FIGNL2: variants seen among roughly 807,000 people sequenced by gnomAD.
FIGNL2 encodes the protein fidgetin like 2.
For missense variants in FIGNL2, 1,060 were observed against 950.2 expected (o/e 1.12, Z -1.52); for synonymous variants, 565 against 484.0 (o/e 1.17, Z -2.20).
At chr12:51,830,464 AAG>A (rs1394165381) in intron 1 of FIGNL2, among the ~76,000 whole-genome samples, 12 of 151,790 alleles carry the variant, frequency 7.9e-5, no homozygotes, top group Admixed American at 6.6e-5. Flanking sequence ...TATTTAAAAA[AAG>A]AAATTTTAAA....
chr12:51,846,002 C>G (rs1226269164), intron 1 of FIGNL2, among the ~76,000 whole-genome samples: 1 of 152,132 alleles, frequency 6.6e-6, no homozygotes, highest in Non-Finnish European at 1.5e-5. Context: ...GAGCCCCACC[C>G]AGGGGTCTCC....
At chr12:51,829,655 T>C (rs370846385) in intron 1 of FIGNL2, among the ~76,000 whole-genome samples, 258 of 152,164 alleles carry the variant, frequency 1.7e-3, no homozygotes, top group Non-Finnish European at 3.0e-3. Context: ...GTGTGCCAGC[T>C]ATGACTCCCG....
chr12:51,826,955 T>C (rs1565944125), intron 1 of FIGNL2, among the ~76,000 whole-genome samples: 1 of 152,256 alleles, frequency 6.6e-6, no homozygotes, highest in Non-Finnish European at 1.5e-5. Context: ...CATATGTTCA[T>C]GCCTGTGCCT....
chr12:51,829,336 C>G (rs558883337), intron 1 of FIGNL2, among the ~76,000 whole-genome samples: 1 of 152,302 alleles, frequency 6.6e-6, no homozygotes, highest in South Asian at 2.1e-4. Context: ...CAGGACTGTG[C>G]CCCCTCCTCT....
Position 51,821,723 on chromosome 12 carries a change from G to C in FIGNL2, c.691C>G (p.Leu231Val). 7.6e-7 allele frequency: 1 copy of C among 1,321,522 alleles called. No individual in the cohort carries two copies. Among genetic ancestry groups the C allele is most frequent in the Non-Finnish European group, 9.6e-7 (1 of 1,043,254 alleles). 81.9% of individuals were successfully genotyped at this position (1,321,522 alleles called of 1,614,324 possible). The change falls in exon 2 of 2, where the codon CTG (leucine) becomes GTG (valine). Residue 231 changes from leucine to valine, a missense_variant. Transcript: ENST00000618634. ...GTGGGCGCGGGCAGGCCCGGGGTCA[G>C]GTAGGGGGCCGGGGGTGGGCCTGGG... The part of the protein sequence containing the change: ...PPPGPPPAPY[L>V]TPGLPAPTPL...
intron 1 of FIGNL2, among the ~76,000 whole-genome samples, chr12:51,839,166 C>T (rs539268001): frequency 6.7e-6 from 1 of 149,758 alleles, no homozygotes; most frequent in South Asian, 2.1e-4. Flanking sequence ...GTAACTTGGT[C>T]TTGAGCCACA....
At position 51,818,957 on chromosome 12, in the gene FIGNL2, A is replaced by T. The variant is rs1939106652; in HGVS notation, c.*1495T>A. ...CTCCCTCACCCTCTCCCAGCCCTGG[A>T]GCTCCAGACCTAGGACTCCGGGGGA... On this transcript the variant is annotated 3_prime_UTR_variant, in exon 2 of 2. Transcript: ENST00000618634. 6.6e-6 allele frequency: 1 copy of T among 152,294 alleles called. No homozygotes were observed. 9.4% of individuals were successfully genotyped at this position (152,294 alleles called of 1,614,324 possible).
intron 1 of FIGNL2, chr12:51,847,911 T>C: frequency 2.4e-6 from 2 of 848,642 alleles, no homozygotes; most frequent in Non-Finnish European, 2.8e-6. Context: ...GAGTACAGCC[T>C]CCTACAACCC....
intron 1 of FIGNL2, among the ~76,000 whole-genome samples, chr12:51,843,742 CCT>C (rs893745790): frequency 2.1e-4 from 32 of 152,104 alleles, no homozygotes; most frequent in Admixed American, 1.6e-3. Flanking sequence ...CTGCCCACCC[CCT>C]GTCTGCCCTG....
chr12:51,830,380 A>G (rs1939428649), intron 1 of FIGNL2, among the ~76,000 whole-genome samples: 1 of 152,154 alleles, frequency 6.6e-6, no homozygotes, highest in Non-Finnish European at 1.5e-5. Context: ...TATGTTAATT[A>G]GCTCAATTTA....
In FIGNL2 at chr12:51,822,145, T is replaced by A. The variant is rs772153452; in HGVS notation, c.269A>T (p.Asn90Ile). 3 of 1,611,292 alleles carry A rather than the reference T, an allele frequency of 1.9e-6. No homozygotes were observed. In the Admixed American group the frequency reaches 5.0e-5, roughly 27 times the overall value. ...LGGYSDASFL[N>I]GAKGDPEPWP... is the part of the protein sequence containing the mutation. ...GGGCTCGGGATCCCCTTTGGCGCCG[T>A]TGAGGAAGGAGGCGTCGCTGTACCC... Residue 90 changes from asparagine to isoleucine, a missense_variant, in exon 2 of 2, where the codon AAC becomes ATC. By Grantham distance (149) the Asn-to-Ile change is moderately radical (BLOSUM62 -3). Transcript: ENST00000618634.
intron 1 of FIGNL2, among the ~76,000 whole-genome samples, chr12:51,826,492 A>G (rs1939345807): frequency 6.7e-6 from 1 of 149,814 alleles, no homozygotes; most frequent in South Asian, 2.2e-4. Flanking sequence ...AAAAAAAATT[A>G]GCCGGGCGTG....
chr12:51,847,765 CG>C (rs879298406), intron 1 of FIGNL2: 9 of 985,318 alleles, frequency 9.1e-6, no homozygotes, highest in East Asian at 1.1e-4. Context: ...TCTGCAGCGG[CG>C]GGGGGGTTGC....
chr12:51,823,095 C>G (rs1939261549), intron 1 of FIGNL2, among the ~76,000 whole-genome samples: 1 of 152,190 alleles, frequency 6.6e-6, no homozygotes, highest in East Asian at 1.9e-4. Context: ...ATTTCCTTCC[C>G]ACTTGGTTTT....
In FIGNL2 at chr12:51,831,858, T is replaced by C. The variant is rs547942953; in HGVS notation, c.-11-9434A>G. ...AAAGCCCAAAATATATATACATTTT[T>C]GAGACAAGGTCTTGCTCTGTTGCCC... On this transcript the variant is annotated intron_variant, in intron 1 of 1. Transcript: ENST00000618634. 10 of 154,360 alleles carry C rather than the reference T, an allele frequency of 6.5e-5. No homozygotes were observed. The Middle Eastern group carries it at 2.7e-3, about 42-fold the overall frequency. The allele number at this position is 154,360 out of a possible 1,614,324, so 9.6% of individuals were successfully genotyped here. A position where few individuals can be genotyped will look rare whatever the true frequency, so the allele number is the denominator to read the frequency against.
chr12:51,838,440 G>C (rs1428120091), intron 1 of FIGNL2, among the ~76,000 whole-genome samples: 1 of 152,202 alleles, frequency 6.6e-6, no homozygotes, highest in Non-Finnish European at 1.5e-5. Flanking sequence ...GGTAAGGCAG[G>C]TGTCTGAAGG....
rs372111010 is a variant in FIGNL2 at position 51,831,593 on chromosome 12, C to G, written c.-11-9169G>C. Among the ~76,000 whole-genome samples, 30 of 152,280 alleles carry G rather than the reference C, an allele frequency of 2.0e-4. No homozygotes were observed. In the East Asian group the frequency reaches 5.0e-3, roughly 26 times the overall value. On this transcript the variant is annotated intron_variant, in intron 1 of 1. Coordinates refer to ENST00000618634, the MANE Select transcript of FIGNL2 (RefSeq NM_001384995.1). Reference sequence around the variant, plus strand: ...CACACCCCTGAGCGGGGCATGAGAGCCAAATGCTTTCCTTCCCTGTCCCTA... The same window carrying G: ...CACACCCCTGAGCGGGGCATGAGAGGCAAATGCTTTCCTTCCCTGTCCCTA...
chr12:51,826,970 C>T (rs999277183), intron 1 of FIGNL2, among the ~76,000 whole-genome samples: 5 of 152,240 alleles, frequency 3.3e-5, no homozygotes, highest in African/African-American at 7.2e-5. Context: ...GTGCCTGGCA[C>T]GCACATGTTT....
At position 51,825,777 on chromosome 12, in the gene FIGNL2, C is replaced by A. The variant is rs1168028502; in HGVS notation, c.-11-3353G>T. ...GACTACAGGCGCCCGCTACCACGCC[C>A]GGCTAATTTTTTGTATTTTTAGTAG... On this transcript the variant is annotated intron_variant, in intron 1 of 1. Transcript: ENST00000618634. 7 of 151,958 alleles carry A rather than the reference C, an allele frequency of 4.6e-5. 1 individual carries two copies. Among genetic ancestry groups the A allele is most frequent in the Admixed American group, 1.3e-4 (2 of 15,246 alleles). 9.4% of individuals were successfully genotyped at this position (151,958 alleles called of 1,614,324 possible).
Sources: gnomAD v4.1 joint callset for allele counts (sites outside exome capture counted in the v4.1 genomes callset) on GRCh38, gnomAD v4.1.1 for gene constraint, MANE v1.5 for transcripts, NCBI Gene and HGNC (gene_info 2026-07-23, HGNC 2026-07-21) for gene names.